DARS1: variants seen among roughly 807,000 people sequenced by gnomAD.
DARS1 encodes aspartate--tRNA ligase, cytoplasmic.
Under a neutral mutation model 68.8 loss-of-function variants are expected in DARS1, and 51 were observed. That is an observed-to-expected ratio of 0.74 (90% CI 0.59 to 0.94). DARS1 has a LOEUF of 0.94. Ranked by LOEUF, DARS1 falls within the 40% of genes least tolerant of loss-of-function variation. The pLI is 0.00. For synonymous variants in DARS1, 203 were observed against 190.4 expected, an observed-to-expected ratio of 1.07 and a Z score of -0.55; for missense variants, 607 against 597.3, an observed-to-expected ratio of 1.02 and a Z score of -0.17.
Position 135,961,384 on chromosome 2 carries a change from T to C in DARS1, c.320+12A>G, listed in dbSNP as rs755423141. ...TGTTTATTCTGACAACAGGATATAA[T>C]TGCTTACTTACTTGGCAGCAAATTT... On this transcript the variant is annotated intron_variant, in intron 4 of 15. Transcript: ENST00000264161. 4 of 1,131,616 alleles carry C rather than the reference T, an allele frequency of 3.5e-6. No homozygotes were observed. The South Asian group carries it at 3.7e-5, about 10-fold the overall frequency. 70.1% of individuals were successfully genotyped at this position (1,131,616 alleles called of 1,614,324 possible). A position where few individuals can be genotyped will look rare whatever the true frequency, so the allele number is the denominator to read the frequency against.
chr2:135,930,467 A>C (rs1270692368), intron 7 of DARS1, among the ~76,000 whole-genome samples: 1 of 152,224 alleles, frequency 6.6e-6, no homozygotes, highest in African/African-American at 2.4e-5. Context: ...AAGATGGCTC[A>C]GTTTCTATGC....
Position 135,916,908 on chromosome 2 carries a change from TA to T in DARS1, c.960-537del, listed in dbSNP as rs1681017333. 2.0e-5 allele frequency among the ~76,000 whole-genome samples: 3 copies of T among 152,156 alleles called. No homozygotes were observed. In the South Asian group the frequency reaches 6.2e-4, roughly 31 times the overall value. ...ATATTTTATTGAGATTTAAAAGGTC[TA>T]TTTTTGACCGGGTGCAGTGGCTCAC... is the stretch of plus-strand genomic sequence containing the variant. On this transcript the variant is annotated intron_variant, in intron 10 of 15. Coordinates refer to ENST00000264161, the MANE Select transcript of DARS1 (RefSeq NM_001349.4).
chr2:135,910,278 C>A (rs573439215), intron 15 of DARS1, among the ~76,000 whole-genome samples: 2 of 152,258 alleles, frequency 1.3e-5, no homozygotes, highest in African/African-American at 2.4e-5. Context: ...ATTTTACATT[C>A]CCATCAACTA....
At chr2:135,977,021 T>C (rs1287069954) in intron 3 of DARS1, among the ~76,000 whole-genome samples, 1 of 152,164 alleles carries the variant, frequency 6.6e-6, no homozygotes, top group Non-Finnish European at 1.5e-5. Flanking sequence ...TATTATGTGT[T>C]GTGTACCAAA....
At chr2:135,958,097 A>C (rs1682018191) in intron 4 of DARS1, among the ~76,000 whole-genome samples, 1 of 152,200 alleles carries the variant, frequency 6.6e-6, no homozygotes, top group South Asian at 2.1e-4. Flanking sequence ...AGGATATTTC[A>C]GCTTCACAAT....
intron 4 of DARS1, among the ~76,000 whole-genome samples, chr2:135,949,898 T>C (rs1394401094): frequency 6.6e-6 from 1 of 152,250 alleles, no homozygotes; most frequent in African/African-American, 2.4e-5. Context: ...CTGCTAGTAG[T>C]ATTGTCTAGC....
At chr2:135,980,848 A>G (rs1682615317) in intron 2 of DARS1, among the ~76,000 whole-genome samples, 2 of 152,236 alleles carry the variant, frequency 1.3e-5, no homozygotes, top group African/African-American at 2.4e-5. Flanking sequence ...GAGAAGAAAA[A>G]GGGTAATGGC....
At chr2:135,950,740 T>C (rs1197815402) in intron 4 of DARS1, among the ~76,000 whole-genome samples, 1 of 152,144 alleles carries the variant, frequency 6.6e-6, no homozygotes, top group East Asian at 1.9e-4. Flanking sequence ...AAACCTCTAT[T>C]TTCATTATAA....
At chr2:135,931,839 AT>A in intron 7 of DARS1, among the ~76,000 whole-genome samples, 1 of 152,280 alleles carries the variant, frequency 6.6e-6, no homozygotes, top group Middle Eastern at 3.4e-3. Flanking sequence ...GTGGCAATGA[AT>A]TTAAACAAAA....
intron 3 of DARS1, among the ~76,000 whole-genome samples, chr2:135,969,933 TA>T (rs1197029941): frequency 1.3e-5 from 2 of 152,162 alleles, no homozygotes; most frequent in Non-Finnish European, 2.9e-5. Context: ...GGTGAGCCAT[TA>T]ACACTTAACT....
In DARS1 at chr2:135,979,376, C is replaced by T. The variant is rs1418269390; in HGVS notation, c.125-10G>A. 4 of 1,069,874 alleles carry T rather than the reference C, an allele frequency of 3.7e-6. No homozygotes were observed. The highest frequency in any genetic ancestry group is 4.7e-5 in the East Asian group (2 of 42,436). The allele number at this position is 1,069,874 out of a possible 1,614,324, so 66.3% of individuals were successfully genotyped here. On this transcript the variant is annotated splice_polypyrimidine_tract_variant and intron_variant, in intron 2 of 15. Coordinates refer to ENST00000264161, the MANE Select transcript of DARS1 (RefSeq NM_001349.4). Reference sequence around the variant, plus strand: ...CGAACCAAAACTCGATCTGTAATAACAGTAAACGATTTTTATATAGTAAAA... The same window carrying T: ...CGAACCAAAACTCGATCTGTAATAATAGTAAACGATTTTTATATAGTAAAA...
intron 8 of DARS1, among the ~76,000 whole-genome samples, chr2:135,923,444 C>T (rs969949437): frequency 1.7e-4 from 26 of 152,066 alleles, no homozygotes; most frequent in African/African-American, 5.3e-4. Context: ...CGTCAACCAC[C>T]GCGCCCGGCT....
chr2:135,909,652 T>C (rs1016877892), intron 15 of DARS1, among the ~76,000 whole-genome samples: 1 of 152,194 alleles, frequency 6.6e-6, no homozygotes, highest in East Asian at 1.9e-4. Flanking sequence ...AGGTACCATA[T>C]ATATGTGAGA....
At chr2:135,957,076 A>AT (rs1681991953) in intron 4 of DARS1, among the ~76,000 whole-genome samples, 1 of 151,890 alleles carries the variant, frequency 6.6e-6, no homozygotes, top group East Asian at 1.9e-4. Context: ...GTGATAACTT[A>AT]TTTTTTAAGC....
intron 10 of DARS1, among the ~76,000 whole-genome samples, chr2:135,920,032 C>G (rs1013372675): frequency 1.3e-5 from 2 of 152,174 alleles, no homozygotes; most frequent in Admixed American, 1.3e-4. Context: ...AGAGAAGGAG[C>G]AGAGCTGGGA....
At chr2:135,960,833 C>T (rs1469604383) in intron 4 of DARS1, among the ~76,000 whole-genome samples, 1 of 152,176 alleles carries the variant, frequency 6.6e-6, no homozygotes, top group Admixed American at 6.5e-5. Context: ...GCTGCTTCTA[C>T]GGGAACTCTG....
chr2:135,967,878 A>G (rs1271865606), intron 3 of DARS1, among the ~76,000 whole-genome samples: 1 of 152,184 alleles, frequency 6.6e-6, no homozygotes, highest in Non-Finnish European at 1.5e-5. Flanking sequence ...ATATTTATTG[A>G]TATGATTTTT....
intron 5 of DARS1, among the ~76,000 whole-genome samples, chr2:135,934,852 T>A (rs1681432785): frequency 6.7e-6 from 1 of 148,878 alleles, no homozygotes; most frequent in Admixed American, 6.8e-5. Flanking sequence ...TGGAGTGCAA[T>A]GGTGTGGTCT....
chr2:135,929,513 A>C (rs766910516), intron 7 of DARS1, among the ~76,000 whole-genome samples: 49 of 152,192 alleles, frequency 3.2e-4, no homozygotes, highest in Non-Finnish European at 6.6e-4. Context: ...ATAGCTATTA[A>C]AATAAAAAAT....
Sources: allele counts gnomAD v4.1 joint callset (sites outside exome capture counted in the v4.1 genomes callset), GRCh38; gene constraint gnomAD v4.1.1; transcripts MANE v1.5; gene names NCBI Gene and HGNC (gene_info 2026-07-23, HGNC 2026-07-21).